The following EIPR1 variants were observed in gnomAD, a reference collection of about 807,000 sequenced individuals.
EIPR1 encodes EARP and GARP complex-interacting protein 1.
EIPR1 carries 25 observed loss-of-function variants against 48.1 expected under a neutral mutation model. The ratio of observed to expected loss-of-function variants is 0.52; its 90% CI spans 0.38 to 0.73. EIPR1 has a LOEUF of 0.73. Among genes scored for constraint, EIPR1 ranks in the 30% least tolerant of loss-of-function variants. The pLI, the probability that EIPR1 is intolerant of heterozygous loss-of-function variation, is 0.00. For synonymous variants in EIPR1, 204 were observed against 201.9 expected (o/e 1.01, Z -0.09); for missense variants, 415 against 506.2 (o/e 0.82, Z 1.73).
intron 4 of EIPR1, among the ~76,000 whole-genome samples, chr2:3,250,262 C>T (rs1030105909): frequency 3.3e-5 from 5 of 152,218 alleles, no homozygotes; most frequent in African/African-American, 7.2e-5. Flanking sequence ...AATCCTCACA[C>T]CAGTGTGCCC....
intron 4 of EIPR1, among the ~76,000 whole-genome samples, chr2:3,218,445 C>T (rs1156332397): frequency 6.7e-6 from 1 of 149,558 alleles, no homozygotes; most frequent in Non-Finnish European, 1.5e-5. Context: ...CCCAACACGG[C>T]CCCGATACGC....
intron 3 of EIPR1, among the ~76,000 whole-genome samples, chr2:3,316,589 C>G (rs1013094660): frequency 6.6e-6 from 1 of 152,242 alleles, no homozygotes; most frequent in Non-Finnish European, 1.5e-5. Flanking sequence ...CACACTCACA[C>G]GTTCTATGAG....
intron 3 of EIPR1, among the ~76,000 whole-genome samples, chr2:3,296,670 C>T (rs1195885147): frequency 2.6e-5 from 4 of 151,636 alleles, no homozygotes; most frequent in African/African-American, 9.7e-5. Context: ...TACACACACA[C>T]CCTCCATCCA....
At position 3,324,900 on chromosome 2, in the gene EIPR1, G is replaced by A. The variant is rs370561478; in HGVS notation, c.259+13117C>T. Reference sequence around the variant, plus strand: ...TGGCGCCTTGGTTTTAGGGCCTCACGCCTCACAGGAGCTGTAACAACCTGA... The same window carrying A: ...TGGCGCCTTGGTTTTAGGGCCTCACACCTCACAGGAGCTGTAACAACCTGA... On this transcript the variant is annotated intron_variant, in intron 3 of 8. Transcript: ENST00000382125. Among the ~76,000 whole-genome samples the A allele has an allele frequency of 9.2e-5, 14 of 152,320 alleles. No homozygotes were observed. The East Asian group carries it at 2.5e-3, about 27-fold the overall frequency.
chr2:3,331,104 G>GGT (rs1319424287), intron 3 of EIPR1, among the ~76,000 whole-genome samples: 1 of 133,266 alleles, frequency 7.5e-6, no homozygotes, highest in Non-Finnish European at 1.7e-5. Context: ...AGCAGAGGCA[G>GGT]GCACACACTC....
chr2:3,249,759 G>A (rs1385334479), intron 4 of EIPR1, among the ~76,000 whole-genome samples: 1 of 152,190 alleles, frequency 6.6e-6, no homozygotes, highest in African/African-American at 2.4e-5. Context: ...TGGTTTCCAA[G>A]GCCAGGCCCG....
At chr2:3,372,524 G>A (rs1207078433) in intron 1 of EIPR1, among the ~76,000 whole-genome samples, 2 of 152,078 alleles carry the variant, frequency 1.3e-5, no homozygotes, top group African/African-American at 2.4e-5. Flanking sequence ...TCAAATAGAC[G>A]CAATAAAAAA....
rs946643298 is a variant in EIPR1, at chr2:3,286,366, C to G, written c.260-28911G>C. Among the ~76,000 whole-genome samples, 18 of 152,184 alleles carry G rather than the reference C, an allele frequency of 1.2e-4. No individual in the cohort carries two copies. Among genetic ancestry groups the G allele is most frequent in the African/African-American group, 4.3e-4 (18 of 41,438 alleles). On this transcript the variant is annotated intron_variant, in intron 3 of 8. Coordinates refer to ENST00000382125, the MANE Select transcript of EIPR1 (RefSeq NM_003310.5). This position sits in a 1 kb window ranked among gnomAD's most constrained non-coding sequence, Gnocchi z 4.2. ...GCCGTGACATGGCCTCCGTTCAGCT[C>G]CAGGTGTCAAGTGCCAGATTCCAGG... is the stretch of plus-strand genomic sequence containing the variant.
chr2:3,248,830 T>C (rs943265727), intron 4 of EIPR1, among the ~76,000 whole-genome samples: 1 of 152,178 alleles, frequency 6.6e-6, no homozygotes, highest in African/African-American at 2.4e-5. Context: ...TTCTCTCTCT[T>C]GCTCCTATTC....
chr2:3,278,755 C>T (rs1361786504), intron 3 of EIPR1, among the ~76,000 whole-genome samples: 1 of 152,104 alleles, frequency 6.6e-6, no homozygotes, highest in East Asian at 1.9e-4. Flanking sequence ...CAGGCAAGCC[C>T]GGAAGATCAA....
intron 2 of EIPR1, among the ~76,000 whole-genome samples, chr2:3,347,094 A>T (rs111844504): frequency 5.3e-5 from 8 of 152,142 alleles, no homozygotes; most frequent in African/African-American, 1.9e-4. Flanking sequence ...GCCTGCTCCC[A>T]CTTCGCCTTC....
chr2:3,222,252 G>C (rs1665919224), intron 4 of EIPR1, among the ~76,000 whole-genome samples: 1 of 152,222 alleles, frequency 6.6e-6, no homozygotes, highest in East Asian at 1.9e-4. Context: ...AAAATAAGTG[G>C]GGGAGAGGAC....
intron 3 of EIPR1, among the ~76,000 whole-genome samples, chr2:3,306,271 T>G (rs911199692): frequency 6.6e-6 from 1 of 152,242 alleles, no homozygotes; most frequent in African/African-American, 2.4e-5. Context: ...GATATTTGGT[T>G]GGATTTGTTC....
At chr2:3,277,291 C>T (rs145811673) in intron 3 of EIPR1, among the ~76,000 whole-genome samples, 1 of 152,140 alleles carries the variant, frequency 6.6e-6, no homozygotes, top group Non-Finnish European at 1.5e-5. Context: ...TCCACTCACA[C>T]GGCTCCACAC....
At chr2:3,270,178 G>T (rs150892557) in intron 3 of EIPR1, among the ~76,000 whole-genome samples, 10 of 152,184 alleles carry the variant, frequency 6.6e-5, no homozygotes. Flanking sequence ...CAAAGCAGGG[G>T]TGAAACAAGG....
At chr2:3,303,753 C>T (rs565666222) in intron 3 of EIPR1, among the ~76,000 whole-genome samples, 10 of 152,296 alleles carry the variant, frequency 6.6e-5, no homozygotes, top group African/African-American at 2.2e-4. Context: ...ACACGTGATA[C>T]GGTGCGGCCT....
At chr2:3,263,455 T>A (rs1029659049) in intron 3 of EIPR1, among the ~76,000 whole-genome samples, 3 of 152,178 alleles carry the variant, frequency 2.0e-5, no homozygotes, top group African/African-American at 7.2e-5. Context: ...AACAAAGCCC[T>A]GATGCCCTGA....
chr2:3,302,400 G>A (rs1668788161), intron 3 of EIPR1, among the ~76,000 whole-genome samples: 3 of 152,282 alleles, frequency 2.0e-5, no homozygotes, highest in South Asian at 2.1e-4. Flanking sequence ...GGCAAACTGC[G>A]GTTTCAAGCA....
At chr2:3,269,664 ACACTCAATCATCGCAATCATCG>A (rs1558263886) in intron 3 of EIPR1, among the ~76,000 whole-genome samples, 10 of 115,940 alleles carry the variant, frequency 8.6e-5, no homozygotes, top group South Asian at 2.9e-4. Context: ...CTCAATCATC[ACACTCAATCATCGCAATCATCG>A]CACTCAATCA....
Sources: gnomAD v4.1 joint callset for allele counts (sites outside exome capture counted in the v4.1 genomes callset) on GRCh38, gnomAD v4.1.1 for gene constraint, Gnocchi (gnomAD v3.1) non-coding constraint, MANE v1.5 for transcripts, NCBI Gene and HGNC (gene_info 2026-07-23, HGNC 2026-07-21) for gene names.